The following SMAD3 variants were observed in gnomAD, a reference collection of about 807,000 sequenced individuals.
The protein encoded by SMAD3 is MAD homolog 3.
A neutral mutation model predicts 51.8 loss-of-function variants in SMAD3; 12 were observed. The observed-to-expected ratio is 0.23, with a 90% CI of 0.15 to 0.38. The LOEUF (loss-of-function observed/expected upper bound fraction) is 0.38. Among genes scored for constraint, SMAD3 ranks in the 10% least tolerant of loss-of-function variants. The pLI is 1.00. For synonymous variants in SMAD3, 238 were observed against 227.7 expected (o/e 1.05, Z -0.41); for missense variants, 294 against 565.6 (o/e 0.52, Z 4.87).
intron 5 of SMAD3, among the ~76,000 whole-genome samples, chr15:67,173,288 C>T (rs1014358183): frequency 6.6e-6 from 1 of 152,034 alleles, no homozygotes; most frequent in Non-Finnish European, 1.5e-5. Flanking sequence ...GTGTCCATGT[C>T]CACCTGTAAT....
intron 1 of SMAD3, among the ~76,000 whole-genome samples, chr15:67,066,844 T>C (rs2140189958): frequency 6.6e-6 from 1 of 152,362 alleles, no homozygotes; most frequent in Admixed American, 6.5e-5. Context: ...ATGCGGTCCG[T>C]ACAGCTGGGG....
At chr15:67,167,180 C>T (rs550093112) in intron 4 of SMAD3, among the ~76,000 whole-genome samples, 1 of 152,272 alleles carries the variant, frequency 6.6e-6, no homozygotes, top group South Asian at 2.1e-4. Flanking sequence ...GGTTTTTCCC[C>T]AGGTTGAGTC....
intron 1 of SMAD3, among the ~76,000 whole-genome samples, chr15:67,068,015 A>T (rs1205160217): frequency 6.6e-6 from 1 of 152,146 alleles, no homozygotes; most frequent in Non-Finnish European, 1.5e-5. Flanking sequence ...ATTGAAACAG[A>T]AGAAAAAAAG....
chr15:67,170,843 G>A (rs1215290419), intron 5 of SMAD3, among the ~76,000 whole-genome samples: 4 of 152,036 alleles, frequency 2.6e-5, no homozygotes, highest in African/African-American at 9.7e-5. Context: ...CCTGGGGGGC[G>A]GGTAGACGTG....
chr15:67,165,399 G>A lies in SMAD3; in HGVS notation c.532+15G>A, dbSNP rs199825815. On this transcript the variant is annotated intron_variant, in intron 3 of 8. Transcript: ENST00000327367. Reference sequence around the variant, plus strand: ...CAATATTCCAGGTAGGCACGTGGGCGGCACAGGCTGGCCTGGGAGGCAGGG... The same window carrying A: ...CAATATTCCAGGTAGGCACGTGGGCAGCACAGGCTGGCCTGGGAGGCAGGG... The A allele has an allele frequency of 7.4e-6, 12 of 1,613,598 alleles. No homozygotes were observed. Among genetic ancestry groups the A allele is most frequent in the African/African-American group, 4.0e-5 (3 of 75,036 alleles).
At chr15:67,160,291 C>T (rs1383629987) in intron 1 of SMAD3, among the ~76,000 whole-genome samples, 3 of 152,234 alleles carry the variant, frequency 2.0e-5, no homozygotes, top group Non-Finnish European at 4.4e-5. Flanking sequence ...GTTCCACATC[C>T]TTGCCAATAC....
intron 1 of SMAD3, among the ~76,000 whole-genome samples, chr15:67,093,521 GCTCT>G (rs1960552094): frequency 6.6e-6 from 1 of 152,192 alleles, no homozygotes; most frequent in African/African-American, 2.4e-5. Context: ...TGTGCACTTT[GCTCT>G]CTCTCAGTCT....
At chr15:67,167,925 C>T (rs893999478) in intron 4 of SMAD3, among the ~76,000 whole-genome samples, 3 of 152,184 alleles carry the variant, frequency 2.0e-5, no homozygotes, top group Non-Finnish European at 2.9e-5. Context: ...CACCTGCCCT[C>T]GCACACAGCC....
intron 1 of SMAD3, among the ~76,000 whole-genome samples, chr15:67,154,837 T>A (rs1962240818): frequency 6.6e-6 from 1 of 152,228 alleles, no homozygotes; most frequent in South Asian, 2.1e-4. Flanking sequence ...TAAAAACACT[T>A]GTCATCTTAA....
intron 1 of SMAD3, among the ~76,000 whole-genome samples, chr15:67,089,713 G>A (rs11634686): frequency 0.52 from 79,150 of 152,102 alleles, 20,854 homozygotes; most frequent in South Asian, 0.7. Context: ...ACTTTCCTGC[G>A]TACTGCACTT....
At chr15:67,149,117 G>T (rs1962057034) in intron 1 of SMAD3, among the ~76,000 whole-genome samples, 1 of 152,172 alleles carries the variant, frequency 6.6e-6, no homozygotes, top group East Asian at 1.9e-4. Context: ...CACAGAGTGG[G>T]TTACTGTTTG....
intron 8 of SMAD3, among the ~76,000 whole-genome samples, chr15:67,190,186 G>A (rs1333510510): frequency 1.3e-5 from 2 of 152,110 alleles, no homozygotes; most frequent in South Asian, 4.1e-4. Context: ...ACTCTTTAAA[G>A]TCGACTTCCT....
intron 1 of SMAD3, among the ~76,000 whole-genome samples, chr15:67,130,322 T>C (rs8026261): frequency 0.68 from 103,570 of 152,042 alleles, 35,353 homozygotes; most frequent in African/African-American, 0.73. Flanking sequence ...CCTCCTTCTC[T>C]TACACCAGGG....
intron 1 of SMAD3, among the ~76,000 whole-genome samples, chr15:67,160,273 T>C (rs563847373): frequency 2.6e-5 from 4 of 152,218 alleles, no homozygotes; most frequent in African/African-American, 9.6e-5. Context: ...TGGAAGGGAG[T>C]TCCAGTTGTT....
chr15:67,109,746 C>T (rs146341008), intron 1 of SMAD3, among the ~76,000 whole-genome samples: 107 of 152,316 alleles, frequency 7.0e-4, no homozygotes, highest in African/African-American at 2.6e-3. Flanking sequence ...CATGACCCCG[C>T]GTGCTGCCTG....
At chr15:67,079,538 T>C (rs1180529857) in intron 1 of SMAD3, among the ~76,000 whole-genome samples, 1 of 152,202 alleles carries the variant, frequency 6.6e-6, no homozygotes, top group Non-Finnish European at 1.5e-5. Context: ...GAGTCAGCAG[T>C]GTTGACTGTT....
Position 67,066,178 on chromosome 15 carries a change from T to G in SMAD3, c.24T>G (p.Thr8=). The change falls in exon 1 of 9, where the codon ACT becomes ACG. Residue 8 remains threonine, a synonymous_variant. Transcript: ENST00000327367. MSSILPF[T]PPIVKRLLGW... ...CCATGTCGTCCATCCTGCCTTTCACTCCCCCGATCGTGAAGCGCCTGCTGG... is the reference window on the plus strand; with the variant it reads ...CCATGTCGTCCATCCTGCCTTTCACGCCCCCGATCGTGAAGCGCCTGCTGG... The G allele has an allele frequency of 6.2e-7, 1 of 1,606,594 alleles. No individual in the cohort carries two copies. The highest frequency in any genetic ancestry group is 8.5e-7 in the Non-Finnish European group (1 of 1,177,282).
At chr15:67,141,572 C>T (rs1961822945) in intron 1 of SMAD3, among the ~76,000 whole-genome samples, 1 of 152,168 alleles carries the variant, frequency 6.6e-6, no homozygotes, top group Admixed American at 6.5e-5. Context: ...AGAGTCCAGC[C>T]AGGGACCCTT....
At chr15:67,067,445 CGT>C (rs929519582) in intron 1 of SMAD3, among the ~76,000 whole-genome samples, 1 of 152,130 alleles carries the variant, frequency 6.6e-6, no homozygotes, top group African/African-American at 2.4e-5. Flanking sequence ...AGGGAGAGAG[CGT>C]GTGTGTTGGG....
Sources: gnomAD v4.1 joint callset for allele counts (sites outside exome capture counted in the v4.1 genomes callset) on GRCh38, gnomAD v4.1.1 for gene constraint, MANE v1.5 for transcripts, NCBI Gene and HGNC (gene_info 2026-07-23, HGNC 2026-07-21) for gene names.